ZRANB3: variants seen among roughly 807,000 people sequenced by gnomAD.
ZRANB3 encodes the protein zinc finger RANBP2-type containing 3.
A neutral mutation model predicts 133.8 loss-of-function variants in ZRANB3; 125 were observed. That is an observed-to-expected ratio of 0.93 (90% CI 0.81 to 1.08). ZRANB3 has a LOEUF of 1.08. Ranked by LOEUF, ZRANB3 falls within the 50% of genes least tolerant of loss-of-function variation. ZRANB3 has a pLI of 0.00. For missense variants in ZRANB3, 1,229 were observed against 1,275.5 expected (o/e 0.96, Z 0.56); for synonymous variants, 387 against 432.7 (o/e 0.89, Z 1.31).
intron 3 of ZRANB3, among the ~76,000 whole-genome samples, chr2:135,375,263 A>G (rs1686368348): frequency 6.6e-6 from 1 of 152,180 alleles, no homozygotes; most frequent in Non-Finnish European, 1.5e-5. Flanking sequence ...TGAGACACAG[A>G]AGGAAAGGAA....
intron 2 of ZRANB3, among the ~76,000 whole-genome samples, chr2:135,421,034 T>C (rs910201304): frequency 2.0e-5 from 3 of 152,156 alleles, no homozygotes; most frequent in African/African-American, 7.2e-5. Flanking sequence ...CTGGAGTCTA[T>C]ATGTATTGAT....
chr2:135,301,911 C>A (rs983277718), intron 8 of ZRANB3, among the ~76,000 whole-genome samples: 5 of 152,156 alleles, frequency 3.3e-5, no homozygotes, highest in Non-Finnish European at 5.9e-5. Flanking sequence ...TAGCACCTTG[C>A]CACATAGTAG....
chr2:135,265,519 G>C lies in ZRANB3; in HGVS notation c.1539+15C>G, dbSNP rs1558872208. Reference sequence around the variant, plus strand: ...TACTAAAAAAAATAGAAAAGAGTAAGGCATATAATCTTACGTGAGTGAACA... The same window carrying C: ...TACTAAAAAAAATAGAAAAGAGTAACGCATATAATCTTACGTGAGTGAACA... On this transcript the variant is annotated intron_variant, in intron 12 of 20. Transcript: ENST00000264159. 6 of 1,594,696 alleles carry C rather than the reference G, an allele frequency of 3.8e-6. No homozygotes were observed. The East Asian group carries it at 6.7e-5, about 18-fold the overall frequency.
chr2:135,529,851 G>A (rs1434429638), intron 1 of ZRANB3, among the ~76,000 whole-genome samples: 2 of 151,800 alleles, frequency 1.3e-5, no homozygotes. Context: ...CTCAAAGAGT[G>A]GTGATGGGGC....
intron 12 of ZRANB3, among the ~76,000 whole-genome samples, chr2:135,264,624 TA>T (rs1573786811): frequency 6.6e-6 from 1 of 152,276 alleles, no homozygotes; most frequent in East Asian, 1.9e-4. Context: ...ACTTACTTAC[TA>T]ATAAATAGTA....
intron 2 of ZRANB3, among the ~76,000 whole-genome samples, chr2:135,443,773 C>T (rs187987470): frequency 3.4e-4 from 51 of 152,140 alleles, no homozygotes; most frequent in Admixed American, 2.7e-3. Context: ...GAAACTACCA[C>T]AGAATGAAGA....
intron 8 of ZRANB3, among the ~76,000 whole-genome samples, chr2:135,312,116 T>A (rs973019057): frequency 7.2e-6 from 1 of 139,540 alleles, no homozygotes; most frequent in African/African-American, 3.2e-5. Flanking sequence ...ATTGTATTTA[T>A]TTTTTTATTT....
intron 6 of ZRANB3, among the ~76,000 whole-genome samples, chr2:135,336,723 A>G (rs1170140329): frequency 6.6e-5 from 10 of 152,190 alleles, no homozygotes; most frequent in Admixed American, 6.5e-4. Context: ...TAAGAAAGAG[A>G]CAGGTATACT....
intron 2 of ZRANB3, among the ~76,000 whole-genome samples, chr2:135,447,350 A>T (rs1226754015): frequency 6.6e-6 from 1 of 152,060 alleles, no homozygotes; most frequent in African/African-American, 2.4e-5. Flanking sequence ...ACACTTTATT[A>T]AGTTTTAAAA....
chr2:135,469,693 A>T (rs929602099), intron 2 of ZRANB3, among the ~76,000 whole-genome samples: 4 of 152,260 alleles, frequency 2.6e-5, no homozygotes, highest in Non-Finnish European at 5.9e-5. Flanking sequence ...ACCAAACAAT[A>T]TTTTGGATAA....
chr2:135,237,059 T>C (rs1471255071), intron 12 of ZRANB3, among the ~76,000 whole-genome samples: 1 of 152,018 alleles, frequency 6.6e-6, no homozygotes, highest in Non-Finnish European at 1.5e-5. Flanking sequence ...AGGGCTAATA[T>C]CCAGAATCTA....
intron 3 of ZRANB3, among the ~76,000 whole-genome samples, chr2:135,361,296 A>G (rs576257578): frequency 6.6e-6 from 1 of 152,346 alleles, no homozygotes; most frequent in Non-Finnish European, 1.5e-5. Flanking sequence ...AGTCTTGAAT[A>G]AACAATAGTA....
At chr2:135,317,124 G>A (rs1197571067) in intron 6 of ZRANB3, among the ~76,000 whole-genome samples, 1 of 151,610 alleles carries the variant, frequency 6.6e-6, no homozygotes, top group Non-Finnish European at 1.5e-5. Flanking sequence ...AAATCTAAGT[G>A]CTGTCACTAT....
intron 2 of ZRANB3, among the ~76,000 whole-genome samples, chr2:135,490,187 C>T (rs1574191945): frequency 6.6e-6 from 1 of 152,026 alleles, no homozygotes; most frequent in African/African-American, 2.4e-5. Flanking sequence ...ATTTCTTACC[C>T]CACAGATGTG....
chr2:135,214,496 T>C (rs1384005376), intron 17 of ZRANB3, among the ~76,000 whole-genome samples: 2 of 152,128 alleles, frequency 1.3e-5, no homozygotes, highest in Non-Finnish European at 2.9e-5. Flanking sequence ...CTTTAAGTGG[T>C]CATCCATGTC....
chr2:135,524,311 A>C (rs1694062767), intron 1 of ZRANB3, among the ~76,000 whole-genome samples: 1 of 152,062 alleles, frequency 6.6e-6, no homozygotes, highest in African/African-American at 2.4e-5. Context: ...CGAACTCCCG[A>C]CCTCAGGTGA....
At position 135,230,561 on chromosome 2, in the gene ZRANB3, A is replaced by T; in HGVS notation, c.1906T>A (p.Ser636Thr). ...CACATTTCACAATAAGGTAACTCTG[A>T]ATTATTGATATAGGTGCAGAGACTA... ...QCSLCTYINN[S>T]ELPYCEMCET... The change falls in exon 13 of 21, where the codon TCA becomes ACA. Residue 636 changes from serine to threonine, a missense_variant. Ser to Thr is a moderately conservative substitution (Grantham distance 58). Coordinates refer to ENST00000264159, the MANE Select transcript of ZRANB3 (RefSeq NM_032143.4). 1 of 1,573,214 alleles carries T rather than the reference A, an allele frequency of 6.4e-7. No individual in the cohort carries two copies. Among genetic ancestry groups the T allele is most frequent in the Non-Finnish European group, 8.6e-7 (1 of 1,164,814 alleles).
chr2:135,303,348 A>C (rs1225537306), intron 8 of ZRANB3, among the ~76,000 whole-genome samples: 1 of 152,140 alleles, frequency 6.6e-6, no homozygotes, highest in Non-Finnish European at 1.5e-5. Context: ...TTATAATTTT[A>C]GCTCTCATAT....
chr2:135,332,691 G>A (rs1016290780), intron 6 of ZRANB3, among the ~76,000 whole-genome samples: 2 of 151,944 alleles, frequency 1.3e-5, no homozygotes, highest in Non-Finnish European at 2.9e-5. Context: ...CGTTCTACCT[G>A]GTAAATTGAG....
Sources: allele counts gnomAD v4.1 joint callset (sites outside exome capture counted in the v4.1 genomes callset), GRCh38; gene constraint gnomAD v4.1.1; transcripts MANE v1.5; gene names NCBI Gene and HGNC (gene_info 2026-07-23, HGNC 2026-07-21).